The following SCYL2 variants were observed in gnomAD, a reference collection of about 807,000 sequenced individuals.
SCYL2 encodes SCY1 like pseudokinase 2.
A neutral mutation model predicts 100.4 loss-of-function variants in SCYL2; 36 were observed. The ratio of observed to expected loss-of-function variants is 0.36; its 90% CI spans 0.27 to 0.47. SCYL2 has a LOEUF of 0.47. SCYL2 is among the 20% of genes least tolerant of loss of function. SCYL2 has a pLI of 1.00. For synonymous variants in SCYL2, 330 were observed against 359.2 expected, an observed-to-expected ratio of 0.92 and a Z score of 0.92; for missense variants, 902 against 1,083.9, an observed-to-expected ratio of 0.83 and a Z score of 2.36.
intron 10 of SCYL2, among the ~76,000 whole-genome samples, chr12:100,320,503 G>C (rs1420623455): frequency 6.6e-6 from 1 of 151,914 alleles, no homozygotes; most frequent in East Asian, 1.9e-4. Flanking sequence ...AGCTGAGATC[G>C]TGCCACTGCA....
At chr12:100,337,623 T>A in intron 17 of SCYL2, 117 bp downstream of exon 17, 1 of 1,012,904 alleles carries the variant, frequency 9.9e-7, no homozygotes, top group Non-Finnish European at 1.5e-6. Flanking sequence ...TACCTTAATA[T>A]GTGGTTTCTA....
chr12:100,312,758 T>A, intron 6 of SCYL2, 105 bp downstream of exon 6: 1 of 726,004 alleles, frequency 1.4e-6, no homozygotes, highest in Non-Finnish European at 2.3e-6. Context: ...CATGAGTATC[T>A]CATTTTAAGT....
At chr12:100,302,089 C>T (rs925999449) in intron 4 of SCYL2, among the ~76,000 whole-genome samples, 11 of 152,174 alleles carry the variant, frequency 7.2e-5, no homozygotes, top group African/African-American at 2.7e-4. Context: ...CTTAAAACTG[C>T]CTGGTGCTGT....
rs1277104721 is a variant in SCYL2 at position 100,339,328 on chromosome 12, A to G, written c.*156A>G. On this transcript the variant is annotated 3_prime_UTR_variant, in exon 18 of 18. Transcript: ENST00000360820. ...CTGTCCATGCCAGCATAGTAGTTGT[A>G]TGGACTTCTAACCAGTTGAGTTTTT... The G allele has an allele frequency of 1.4e-6, 1 of 739,536 alleles. No individual in the cohort carries two copies. Among genetic ancestry groups the G allele is most frequent in the Non-Finnish European group, 2.1e-6 (1 of 465,940 alleles). The allele number at this position is 739,536 out of a possible 1,614,324, so 45.8% of individuals were successfully genotyped here. A position where few individuals can be genotyped will look rare whatever the true frequency, so the allele number is the denominator to read the frequency against.
At chr12:100,269,548 A>T (rs1167173815) in intron 1 of SCYL2, among the ~76,000 whole-genome samples, 1 of 152,180 alleles carries the variant, frequency 6.6e-6, no homozygotes, top group Non-Finnish European at 1.5e-5. Flanking sequence ...TGAATGGGCC[A>T]AGAATTGTAC....
Position 100,267,193 on chromosome 12 carries a change from C to T in SCYL2, c.-628C>T. 4.4e-6 allele frequency: 5 copies of T among 1,129,018 alleles called. No individual in the cohort carries two copies. The highest frequency in any genetic ancestry group is 1.5e-5 in the South Asian group (1 of 65,692). 69.9% of individuals were successfully genotyped at this position (1,129,018 alleles called of 1,614,324 possible). Reference sequence around the variant, plus strand: ...AGGTCTTTTAGTCTTTTTCCCCCTCCCTTACTCTTCGTCCCCGGTCCCTCC... The same window carrying T: ...AGGTCTTTTAGTCTTTTTCCCCCTCTCTTACTCTTCGTCCCCGGTCCCTCC... On this transcript the variant is annotated 5_prime_UTR_variant, in exon 1 of 18. Transcript: ENST00000360820.
chr12:100,295,249 G>T (rs1170116832), intron 3 of SCYL2, among the ~76,000 whole-genome samples: 1 of 148,666 alleles, frequency 6.7e-6, no homozygotes, highest in East Asian at 2.1e-4. Flanking sequence ...TCACATCCCA[G>T]ACGATGGGCG....
chr12:100,287,721 C>G (rs891580940), intron 2 of SCYL2, among the ~76,000 whole-genome samples: 3 of 152,040 alleles, frequency 2.0e-5, no homozygotes, highest in Admixed American at 2.0e-4. Flanking sequence ...CTCAATTTAA[C>G]TACAGTTAAC....
At chr12:100,294,254 G>C (rs2096314527) in intron 3 of SCYL2, among the ~76,000 whole-genome samples, 1 of 139,010 alleles carries the variant, frequency 7.2e-6, no homozygotes, top group Non-Finnish European at 1.6e-5. Context: ...CCAGGTGGGG[G>C]GCTGACCCCC....
At chr12:100,288,672 C>CA (rs2096307104) in intron 2 of SCYL2, among the ~76,000 whole-genome samples, 1 of 151,502 alleles carries the variant, frequency 6.6e-6, no homozygotes, top group Admixed American at 6.6e-5. Context: ...CTCGTCTCTA[C>CA]AAAAAAATTA....
chr12:100,294,184 G>A (rs1487624090), intron 3 of SCYL2, among the ~76,000 whole-genome samples: 2 of 145,782 alleles, frequency 1.4e-5, no homozygotes, highest in Non-Finnish European at 3.0e-5. Flanking sequence ...CCTCCCGGAA[G>A]GGGTGGCTGG....
chr12:100,298,784 A>G (rs550360089), intron 4 of SCYL2, among the ~76,000 whole-genome samples: 1 of 152,146 alleles, frequency 6.6e-6, no homozygotes, highest in Admixed American at 6.5e-5. Context: ...GGGTTTCATC[A>G]TGTTGGCCAG....
At position 100,339,091 on chromosome 12, in the gene SCYL2, C is replaced by T; in HGVS notation, c.2709C>T (p.Asn903=). 6.2e-7 allele frequency: 1 copy of T among 1,614,036 alleles called. No individual in the cohort carries two copies. Among genetic ancestry groups the T allele is most frequent in the Non-Finnish European group, 8.5e-7 (1 of 1,179,940 alleles). Residue 903 remains asparagine (N), a synonymous_variant, in exon 18 of 18, where the codon AAC becomes AAT. Transcript: ENST00000360820. ...GTATGCAGGGTAATCCTTTCTTTAA[C>T]CCACAGAACTTTGCACAGCCACCAA... The part of the protein sequence containing the change: ...AFGMQGNPFF[N]PQNFAQPPTT...
intron 3 of SCYL2, 187 bp downstream of exon 3, chr12:100,291,847 A>G (rs2096311105): frequency 1.6e-5 from 9 of 548,600 alleles, no homozygotes; most frequent in Non-Finnish European, 2.8e-5. Context: ...TCTTTGAAAT[A>G]TTAATACTTT....
rs59954205 is a variant in SCYL2, at chr12:100,299,239, A to C, written c.480+1064A>C. Among the ~76,000 whole-genome samples, 901 of 152,246 alleles carry C rather than the reference A, an allele frequency of 5.9e-3. 8 individuals are homozygous for C. The highest frequency in any genetic ancestry group is 0.02 in the African/African-American group (848 of 41,530). ...GACAGAGTGAGAGCCTGTCTTAAAA[A>C]AACAACAACAACAACAAAAATAATA... On this transcript the variant is annotated intron_variant, in intron 4 of 17. Coordinates refer to ENST00000360820, the MANE Select transcript of SCYL2 (RefSeq NM_017988.6).
At chr12:100,280,445 T>C (rs2096296827) in intron 1 of SCYL2, among the ~76,000 whole-genome samples, 2 of 152,190 alleles carry the variant, frequency 1.3e-5, no homozygotes, top group African/African-American at 4.8e-5. Context: ...AACTGCTACC[T>C]TAAAACTGTC....
At chr12:100,330,122 A>T (rs1952190601) in intron 13 of SCYL2, among the ~76,000 whole-genome samples, 1 of 152,182 alleles carries the variant, frequency 6.6e-6, no homozygotes, top group Non-Finnish European at 1.5e-5. Flanking sequence ...GGAGGAGGAG[A>T]TAATTGGGAA....
chr12:100,317,050 C>G (rs778502190), intron 9 of SCYL2, among the ~76,000 whole-genome samples: 3 of 151,536 alleles, frequency 2.0e-5, no homozygotes, highest in African/African-American at 7.3e-5. Flanking sequence ...AAGCTATGAT[C>G]GCGCCACTGC....
At position 100,329,259 on chromosome 12, in the gene SCYL2, C is replaced by G. The variant is rs768357321; in HGVS notation, c.1701C>G (p.Ala567=). The G allele has an allele frequency of 9.3e-6, 15 of 1,609,668 alleles. No homozygotes were observed. The South Asian group carries it at 1.2e-4, about 13-fold the overall frequency. ...KKLGITKEQL[A]GKVLPHLIPL... is the part of the protein sequence containing the mutation. Reference sequence around the variant, plus strand: ...TGGGAATCACCAAAGAGCAGCTGGCCGGAAAAGTGTTGCCTCATCTTATTC... The same window carrying G: ...TGGGAATCACCAAAGAGCAGCTGGCGGGAAAAGTGTTGCCTCATCTTATTC... Residue 567 remains alanine, a synonymous_variant, in exon 13 of 18, where the codon GCC becomes GCG. Transcript: ENST00000360820.
Sources: gnomAD v4.1 joint callset for allele counts (sites outside exome capture counted in the v4.1 genomes callset) on GRCh38, gnomAD v4.1.1 for gene constraint, MANE v1.5 for transcripts, NCBI Gene and HGNC (gene_info 2026-07-23, HGNC 2026-07-21) for gene names.